The following BDH1 variants were observed in gnomAD, a reference collection of about 807,000 sequenced individuals.
BDH1 encodes the protein D-beta-hydroxybutyrate dehydrogenase, mitochondrial.
BDH1 carries 30 observed loss-of-function variants against 33.1 expected under a neutral mutation model. The observed-to-expected ratio is 0.91, with a 90% CI of 0.68 to 1.23. The LOEUF is 1.23. Ranked by LOEUF, BDH1 falls within the 50% of genes most tolerant of loss-of-function variation. BDH1 has a pLI of 0.00. For missense variants in BDH1, 443 were observed against 464.4 expected (o/e 0.95, Z 0.42); for synonymous variants, 190 against 183.6 (o/e 1.03, Z -0.28).
chr3:197,535,543 C>T (rs1014145386), intron 3 of BDH1, among the ~76,000 whole-genome samples: 1 of 152,162 alleles, frequency 6.6e-6, no homozygotes, highest in African/African-American at 2.4e-5. Context: ...CCATGCACCA[C>T]GTGGGACAAC....
At chr3:197,517,290 C>G (rs551821191) in intron 6 of BDH1, among the ~76,000 whole-genome samples, 5 of 93,166 alleles carry the variant, frequency 5.4e-5, no homozygotes, top group South Asian at 5.3e-4. Context: ...TCCATCCCCC[C>G]CTCAGGCCGA....
chr3:197,521,666 G>A lies in BDH1; in HGVS notation c.409+974C>T, dbSNP rs1022965388. On this transcript the variant is annotated intron_variant, in intron 6 of 7. Coordinates refer to ENST00000392379, the MANE Select transcript of BDH1 (RefSeq NM_203314.3). The surrounding 1 kb of genome is among the most constrained non-coding windows in gnomAD (Gnocchi z 4.9). ...ATCTCCCCACCTGCTCCTGCAGTGC[G>A]GGGCACCAGGTGTCCAGGACAGAGA... 3.3e-5 allele frequency among the ~76,000 whole-genome samples: 5 copies of A among 152,002 alleles called. No homozygotes were observed. The highest frequency in any genetic ancestry group is 9.7e-5 in the African/African-American group (4 of 41,354).
In BDH1 at chr3:197,533,567, A is replaced by G. The variant is rs757946403; in HGVS notation, c.84-6T>C. The G allele has an allele frequency of 2.5e-6, 4 of 1,614,158 alleles. No homozygotes were observed. The highest frequency in any genetic ancestry group is 3.4e-6 in the Non-Finnish European group (4 of 1,179,958). On this transcript the variant is annotated splice_polypyrimidine_tract_variant and splice_region_variant and intron_variant, in intron 3 of 7. Transcript: ENST00000392379. ...AACCAAGCAATAGTGGGCGTCTGCA[A>G]GAGAAAAGGAAGCCGTGAGTACAAG...
upstream of BDH1, among the ~76,000 whole-genome samples, chr3:197,559,048 G>A (rs1717176681): frequency 6.6e-6 from 1 of 151,108 alleles, no homozygotes; most frequent in Non-Finnish European, 1.5e-5. Flanking sequence ...TGTTACCCAG[G>A]CTGGAGTGCA....
intron 7 of BDH1, among the ~76,000 whole-genome samples, chr3:197,512,829 T>C (rs1712220199): frequency 6.6e-6 from 1 of 152,156 alleles, no homozygotes. Flanking sequence ...TAGTACGACG[T>C]GCAGATAAGT....
intron 1 of BDH1, among the ~76,000 whole-genome samples, chr3:197,572,646 A>G (rs1440985234): frequency 6.6e-6 from 1 of 152,178 alleles, no homozygotes; most frequent in Non-Finnish European, 1.5e-5. Context: ...CTGAGACAGG[A>G]GGATCCCTTG....
intron 1 of BDH1, among the ~76,000 whole-genome samples, chr3:197,562,209 G>C (rs777580154): frequency 6.6e-6 from 1 of 151,554 alleles, no homozygotes; most frequent in Non-Finnish European, 1.5e-5. Context: ...AAGTGGTCTT[G>C]GCTGGTTTCT....
chr3:197,515,404 C>T (rs1712591460), intron 6 of BDH1: 1 of 985,768 alleles, frequency 1.0e-6, no homozygotes, highest in African/African-American at 1.7e-5. Context: ...TCATCCACGA[C>T]CCCACAGCTC....
Position 197,520,135 on chromosome 3 carries a change from A to G in BDH1, c.409+2505T>C, listed in dbSNP as rs2567329. On this transcript the variant is annotated intron_variant, in intron 6 of 7. Coordinates refer to ENST00000392379, the MANE Select transcript of BDH1 (RefSeq NM_203314.3). This position sits in a 1 kb window ranked among gnomAD's most constrained non-coding sequence, Gnocchi z 6.0. Reference sequence around the variant, plus strand: ...AGGGGGAATTGCCAAGGCAAGGCCAAGACATGGCAGAGTGGCAGAGTGTGG... The same window carrying G: ...AGGGGGAATTGCCAAGGCAAGGCCAGGACATGGCAGAGTGGCAGAGTGTGG... Among the ~76,000 whole-genome samples the G allele has an allele frequency of 0.5, 76,065 of 151,956 alleles. 21,440 individuals are homozygous for G. The highest frequency in any genetic ancestry group is 0.78 in the African/African-American group (32,237 of 41,432).
chr3:197,571,808 A>G (rs1276847368), intron 1 of BDH1, among the ~76,000 whole-genome samples: 2 of 152,250 alleles, frequency 1.3e-5, no homozygotes, highest in Non-Finnish European at 2.9e-5. Context: ...CATGCCTGTA[A>G]TCTCAACACT....
intron 3 of BDH1, among the ~76,000 whole-genome samples, chr3:197,542,710 C>T (rs1050541958): frequency 2.0e-5 from 3 of 151,668 alleles, no homozygotes; most frequent in African/African-American, 7.3e-5. Context: ...TTATTAGAGA[C>T]GGGGCTTCTC....
At chr3:197,548,723 C>T (rs1379662500) in intron 2 of BDH1, among the ~76,000 whole-genome samples, 6 of 152,060 alleles carry the variant, frequency 3.9e-5, no homozygotes, top group Non-Finnish European at 5.9e-5. Context: ...TGGTGGCGGG[C>T]GCCCACAGTC....
chr3:197,567,186 G>C (rs1560349101), intron 1 of BDH1, among the ~76,000 whole-genome samples: 1 of 152,144 alleles, frequency 6.6e-6, no homozygotes, highest in Non-Finnish European at 1.5e-5. Flanking sequence ...GACACCAGAT[G>C]AAACCTGGGA....
At position 197,522,734 on chromosome 3, in the gene BDH1, G is replaced by T. The variant is rs1195467401; in HGVS notation, c.315C>A (p.Asp105Glu). ...CATTGAGCTGGACGGTTCTCAATCGGTCACTGTTTAGGCTGTCCAGCTCCT... is the reference window on the plus strand; with the variant it reads ...CATTGAGCTGGACGGTTCTCAATCGTTCACTGTTTAGGCTGTCCAGCTCCT... Reference protein sequence around the residue: ...GVKELDSLNSDRLRTVQLNVC... With the variant: ...GVKELDSLNSERLRTVQLNVC... The change falls in exon 6 of 8, where the codon GAC (aspartate) becomes GAA (glutamate). Residue 105 changes from aspartate (D) to glutamate (E), a missense_variant. By Grantham distance (45) the Asp-to-Glu change is conservative. Transcript: ENST00000392379. This position sits in a 1 kb window ranked among gnomAD's most constrained non-coding sequence, Gnocchi z 4.8. 1 of 1,614,142 alleles carries T rather than the reference G, an allele frequency of 6.2e-7. No homozygotes were observed. Among genetic ancestry groups the T allele is most frequent in the Non-Finnish European group, 8.5e-7 (1 of 1,180,022 alleles).
rs979013077 is a variant in BDH1 at position 197,510,089 on chromosome 3, C to G, written c.*1806G>C. The stretch of plus-strand genomic sequence containing the variant: ...CTTCTTCCTTGGCACTGCCTGAACC[C>G]CGTAGCCCACTCCGGCTGCCCGGGC... On this transcript the variant is annotated 3_prime_UTR_variant, in exon 8 of 8. Coordinates refer to ENST00000392379, the MANE Select transcript of BDH1 (RefSeq NM_203314.3). 7 of 152,346 alleles carry G rather than the reference C, an allele frequency of 4.6e-5. No homozygotes were observed. Among genetic ancestry groups the G allele is most frequent in the African/African-American group, 1.7e-4 (7 of 41,480 alleles). The allele number at this position is 152,346 out of a possible 1,614,324, so 9.4% of individuals were successfully genotyped here.
At position 197,533,529 on chromosome 3, in the gene BDH1, A is replaced by C; in HGVS notation, c.116T>G (p.Ile39Ser). The C allele has an allele frequency of 6.2e-7, 1 of 1,614,246 alleles. No homozygotes were observed. The highest frequency in any genetic ancestry group is 8.5e-7 in the Non-Finnish European group (1 of 1,180,040). ...RPLLLGSTSF[I>S]PIGRRTYASA... ...GGCATAAGTCCGACGGCCAATCGGGATAAAGGAAGTAGAACCAAGCAATAG... is the reference window on the plus strand; with the variant it reads ...GGCATAAGTCCGACGGCCAATCGGGCTAAAGGAAGTAGAACCAAGCAATAG... Residue 39 changes from isoleucine to serine, a missense_variant, in exon 4 of 8, where the codon ATC (isoleucine) becomes AGC (serine). Physicochemically the swap from Ile to Ser is moderately radical, Grantham distance 142. Coordinates refer to ENST00000392379, the MANE Select transcript of BDH1 (RefSeq NM_203314.3).
chr3:197,527,855 C>T (rs979624041), intron 5 of BDH1, among the ~76,000 whole-genome samples: 2 of 152,120 alleles, frequency 1.3e-5, no homozygotes, highest in African/African-American at 4.8e-5. Context: ...CTCCCTCCCG[C>T]ACCTCCTTTG....
Position 197,525,998 on chromosome 3 carries a change from C to A in BDH1, c.268-3217G>T, listed in dbSNP as rs547676309. Among the ~76,000 whole-genome samples, 562 of 152,314 alleles carry A rather than the reference C, an allele frequency of 3.7e-3. No individual in the cohort carries two copies. Among genetic ancestry groups the A allele is most frequent in the African/African-American group, 0.011 (475 of 41,562 alleles). ...TAGTTCCGCTGTGTTGGTGCGTGTG[C>A]AACTGGCTTATTGATAAACCCACTT... On this transcript the variant is annotated intron_variant, in intron 5 of 7. Coordinates refer to ENST00000392379, the MANE Select transcript of BDH1 (RefSeq NM_203314.3). This position sits in a 1 kb window ranked among gnomAD's most constrained non-coding sequence, Gnocchi z 4.9.
At chr3:197,536,068 T>C (rs1024232315) in intron 3 of BDH1, among the ~76,000 whole-genome samples, 1 of 151,890 alleles carries the variant, frequency 6.6e-6, no homozygotes, top group Admixed American at 6.6e-5. Flanking sequence ...AGTTTTATAG[T>C]TTTATGTTTT....
Sources: allele counts gnomAD v4.1 joint callset (sites outside exome capture counted in the v4.1 genomes callset), GRCh38; gene constraint gnomAD v4.1.1; non-coding constraint Gnocchi (gnomAD v3.1); transcripts MANE v1.5; gene names NCBI Gene and HGNC (gene_info 2026-07-23, HGNC 2026-07-21).